Variants in PCDH9 observed in about 807,000 individuals in gnomAD.
PCDH9 encodes the protein protocadherin 9.
Under a neutral mutation model 70.6 loss-of-function variants are expected in PCDH9, and 24 were observed. The observed-to-expected ratio is 0.34, with a 90% CI of 0.25 to 0.48. The LOEUF (loss-of-function observed/expected upper bound fraction) is 0.48, where lower values mean the gene tolerates loss of function less well. Among genes scored for constraint, PCDH9 ranks in the 20% least tolerant of loss-of-function variants. The pLI, the probability that PCDH9 is intolerant of heterozygous loss-of-function variation, is 0.99. For missense variants in PCDH9, 1,281 were observed against 1,503.6 expected (o/e 0.85, Z 2.45); for synonymous variants, 562 against 558.5 (o/e 1.01, Z -0.09).
intron 2 of PCDH9, among the ~76,000 whole-genome samples, chr13:67,169,990 AAT>A (rs2088234149): frequency 6.6e-6 from 1 of 152,188 alleles, no homozygotes; most frequent in Non-Finnish European, 1.5e-5. Flanking sequence ...ATCCGATTAT[AAT>A]CCTGCTTCTC....
At chr13:66,704,149 C>T (rs2078682615) in intron 3 of PCDH9, among the ~76,000 whole-genome samples, 1 of 152,132 alleles carries the variant, frequency 6.6e-6, no homozygotes, top group Admixed American at 6.5e-5. Flanking sequence ...ATGTAGCTCT[C>T]ATATAGAAAC....
intron 4 of PCDH9, among the ~76,000 whole-genome samples, chr13:66,607,436 T>G (rs546646449): frequency 1.3e-5 from 2 of 152,202 alleles, no homozygotes; most frequent in East Asian, 1.9e-4. Context: ...ATTAAACATG[T>G]TGTGGTAATT....
intron 3 of PCDH9, among the ~76,000 whole-genome samples, chr13:66,673,310 G>A (rs893969235): frequency 1.4e-4 from 22 of 152,066 alleles, no homozygotes; most frequent in Admixed American, 7.2e-4. Context: ...TATAAGACAC[G>A]CCTTTGCTCC....
chr13:67,187,655 TTTA>T (rs2088793498), intron 2 of PCDH9, among the ~76,000 whole-genome samples: 1 of 152,122 alleles, frequency 6.6e-6, no homozygotes, highest in Non-Finnish European at 1.5e-5. Flanking sequence ...ATCATATTTA[TTTA>T]TATTTTTAAT....
intron 2 of PCDH9, among the ~76,000 whole-genome samples, chr13:66,936,931 T>C (rs2082924867): frequency 6.6e-6 from 1 of 152,222 alleles, no homozygotes; most frequent in African/African-American, 2.4e-5. Context: ...GATCTAACTG[T>C]ATATAAGCTA....
chr13:66,604,832 C>T (rs535984419), intron 4 of PCDH9, among the ~76,000 whole-genome samples: 16 of 151,934 alleles, frequency 1.1e-4, no homozygotes, highest in East Asian at 3.9e-4. Flanking sequence ...CTTTTCCCAA[C>T]GAGATCTCTG....
At chr13:66,704,237 C>G (rs78964416) in intron 3 of PCDH9, among the ~76,000 whole-genome samples, 1 of 152,086 alleles carries the variant, frequency 6.6e-6, no homozygotes, top group Non-Finnish European at 1.5e-5. Flanking sequence ...TGTTCAATTA[C>G]GAATGAAGTA....
chr13:67,093,735 G>A (rs1469783430), intron 2 of PCDH9, among the ~76,000 whole-genome samples: 1 of 152,118 alleles, frequency 6.6e-6, no homozygotes, highest in Non-Finnish European at 1.5e-5. Flanking sequence ...CCATGACTGG[G>A]GCTGTCAGCC....
At chr13:66,449,280 C>A (rs1287931368) in intron 4 of PCDH9, among the ~76,000 whole-genome samples, 1 of 152,156 alleles carries the variant, frequency 6.6e-6, no homozygotes, top group Non-Finnish European at 1.5e-5. Context: ...AACTGAATAT[C>A]ATTTCAGGAT....
intron 3 of PCDH9, among the ~76,000 whole-genome samples, chr13:66,829,553 G>T (rs1048943016): frequency 6.6e-6 from 1 of 150,846 alleles, no homozygotes; most frequent in African/African-American, 2.4e-5. Flanking sequence ...TACTGAAAAG[G>T]GTGAATTTTA....
intron 2 of PCDH9, among the ~76,000 whole-genome samples, chr13:66,953,947 A>G (rs1319886066): frequency 6.6e-6 from 1 of 152,190 alleles, no homozygotes; most frequent in Admixed American, 6.5e-5. Flanking sequence ...GGTATATAGT[A>G]GTTTTGCAGT....
At chr13:66,755,872 C>G (rs541288830) in intron 3 of PCDH9, among the ~76,000 whole-genome samples, 1 of 152,252 alleles carries the variant, frequency 6.6e-6, no homozygotes, top group African/African-American at 2.4e-5. Context: ...ACACTTGAAT[C>G]CCAGACTCAT....
intron 4 of PCDH9, among the ~76,000 whole-genome samples, chr13:66,512,282 TTA>T (rs35496834): frequency 0.22 from 32,207 of 144,204 alleles, 3,515 homozygotes; most frequent in South Asian, 0.28. Context: ...ACCTTAGGAA[TTA>T]TATATATATA....
chr13:67,182,668 A>G (rs985599538), intron 2 of PCDH9, among the ~76,000 whole-genome samples: 5 of 152,180 alleles, frequency 3.3e-5, no homozygotes, highest in Non-Finnish European at 7.3e-5. Context: ...CTCTGTTGAA[A>G]AATTTACACT....
chr13:67,012,679 C>G (rs1456074775), intron 2 of PCDH9, among the ~76,000 whole-genome samples: 1 of 151,990 alleles, frequency 6.6e-6, no homozygotes, highest in Non-Finnish European at 1.5e-5. Flanking sequence ...TCTGACTCAT[C>G]CAGCTTCTGC....
chr13:66,458,933 A>G (rs1009624566), intron 4 of PCDH9, among the ~76,000 whole-genome samples: 4 of 152,002 alleles, frequency 2.6e-5, no homozygotes, highest in Admixed American at 1.3e-4. Flanking sequence ...GGAAAAATCT[A>G]AAGCTAGGGC....
intron 2 of PCDH9, among the ~76,000 whole-genome samples, chr13:66,949,315 TTG>T (rs1443308274): frequency 6.6e-6 from 1 of 152,166 alleles, no homozygotes; most frequent in Non-Finnish European, 1.5e-5. Context: ...GATTTTCATT[TTG>T]TTCATCATTA....
At chr13:67,112,649 C>CCCTT (rs1555308455) in intron 2 of PCDH9, among the ~76,000 whole-genome samples, 10 of 150,744 alleles carry the variant, frequency 6.6e-5, no homozygotes, top group African/African-American at 2.2e-4. Flanking sequence ...CTTTCTCTCT[C>CCCTT]CCTCCCTCCC....
intron 2 of PCDH9, among the ~76,000 whole-genome samples, chr13:66,956,770 G>T (rs528032173): frequency 6.6e-6 from 1 of 152,162 alleles, no homozygotes; most frequent in Non-Finnish European, 1.5e-5. Flanking sequence ...AAACAAAGTA[G>T]AAATGTGACT....
Sources: allele counts gnomAD v4.1 joint callset (sites outside exome capture counted in the v4.1 genomes callset), GRCh38; gene constraint gnomAD v4.1.1; transcripts MANE v1.5; gene names NCBI Gene and HGNC (gene_info 2026-07-23, HGNC 2026-07-21).